COA1: variants seen among roughly 807,000 people sequenced by gnomAD.
COA1 encodes cytochrome c oxidase assembly factor 1, also known as cytochrome c oxidase assembly factor 1 homolog.
In COA1, 13 loss-of-function variants were observed where a neutral mutation model predicts 16.0. The ratio of observed to expected loss-of-function variants is 0.81; its 90% CI spans 0.53 to 1.29. COA1 has a LOEUF of 1.29. Ranked by LOEUF, COA1 falls within the 50% of genes most tolerant of loss-of-function variation. The pLI is 0.00. For missense variants in COA1, 179 were observed against 177.0 expected, an observed-to-expected ratio of 1.01 and a Z score of -0.06; for synonymous variants, 65 against 65.7, an observed-to-expected ratio of 0.99 and a Z score of 0.05.
chr7:43,641,610 T>C (rs781623860), intron 4 of COA1: 1 of 152,306 alleles, frequency 6.6e-6, no homozygotes, highest in South Asian at 2.1e-4. Context: ...TATTTTGACC[T>C]GGACCCTAAA....
intron 1 of COA1, among the ~76,000 whole-genome samples, chr7:43,690,702 A>T (rs1327829273): frequency 6.6e-6 from 1 of 152,214 alleles, no homozygotes; most frequent in Non-Finnish European, 1.5e-5. Flanking sequence ...AATTAAAAAA[A>T]AATAATGTAA....
intron 1 of COA1, among the ~76,000 whole-genome samples, chr7:43,705,269 C>T (rs758440215): frequency 2.6e-5 from 4 of 152,230 alleles, no homozygotes; most frequent in Non-Finnish European, 5.9e-5. Flanking sequence ...TAGGCTCCCA[C>T]GCACATGCAT....
chr7:43,685,145 C>T (rs1354444886), intron 1 of COA1, among the ~76,000 whole-genome samples: 2 of 145,168 alleles, frequency 1.4e-5, no homozygotes, highest in Non-Finnish European at 1.5e-5. Flanking sequence ...GAACAAGACT[C>T]CCATCTCTTA....
chr7:43,681,683 C>A (rs1163849511), intron 1 of COA1, among the ~76,000 whole-genome samples: 2 of 152,316 alleles, frequency 1.3e-5, no homozygotes, highest in East Asian at 3.9e-4. Context: ...TACAGGCTGA[C>A]ACACACAGTC....
intron 1 of COA1, among the ~76,000 whole-genome samples, chr7:43,694,421 G>C (rs56878002): frequency 0.085 from 12,981 of 151,842 alleles, 656 homozygotes; most frequent in East Asian, 0.19. Flanking sequence ...TTAACTTTTA[G>C]CTCCTCACCA....
chr7:43,669,103 C>T, intron 1 of COA1, among the ~76,000 whole-genome samples: 1 of 152,288 alleles, frequency 6.6e-6, no homozygotes, highest in Middle Eastern at 3.4e-3. Flanking sequence ...CCAGGAGAAG[C>T]CCTAGCTGCT....
At chr7:43,707,155 A>C (rs1585267599) in intron 1 of COA1, among the ~76,000 whole-genome samples, 1 of 152,202 alleles carries the variant, frequency 6.6e-6, no homozygotes, top group Non-Finnish European at 1.5e-5. Flanking sequence ...ACGCCACTGC[A>C]CTCCAGCCTG....
intron 1 of COA1, among the ~76,000 whole-genome samples, chr7:43,685,286 G>A (rs1274812204): frequency 6.6e-6 from 1 of 152,224 alleles, no homozygotes; most frequent in African/African-American, 2.4e-5. Flanking sequence ...AGGCAAAGGG[G>A]TGCCCTATAG....
intron 4 of COA1, chr7:43,641,804 C>G (rs2087198827): frequency 6.6e-6 from 1 of 151,966 alleles, no homozygotes; most frequent in African/African-American, 2.4e-5. Context: ...GATCACACTC[C>G]GATTGAGAAA....
At chr7:43,670,176 C>G (rs2093168262) in intron 1 of COA1, among the ~76,000 whole-genome samples, 1 of 152,154 alleles carries the variant, frequency 6.6e-6, no homozygotes, top group Non-Finnish European at 1.5e-5. Flanking sequence ...AGGCCAGGCA[C>G]AGTGGTTCAC....
chr7:43,620,990 G>C (rs2083830209), intron 6 of COA1, among the ~76,000 whole-genome samples: 1 of 152,170 alleles, frequency 6.6e-6, no homozygotes, highest in Admixed American at 6.5e-5. Context: ...AAGAGAGCAG[G>C]GTCTCCTTTC....
intron 1 of COA1, among the ~76,000 whole-genome samples, chr7:43,701,749 ATC>A (rs1334040027): frequency 6.6e-6 from 1 of 152,182 alleles, no homozygotes; most frequent in Non-Finnish European, 1.5e-5. Context: ...CCTTGCCAGC[ATC>A]TGTTATTGAG....
At chr7:43,644,401 G>A (rs960287859) in intron 4 of COA1, among the ~76,000 whole-genome samples, 1 of 152,102 alleles carries the variant, frequency 6.6e-6, no homozygotes, top group African/African-American at 2.4e-5. Context: ...AGTACAAAAA[G>A]ATAAGTTATA....
chr7:43,608,468 G>A, exon 7 of COA1: 2 of 1,522,152 alleles, frequency 1.3e-6, no homozygotes, highest in Non-Finnish European at 1.8e-6. Flanking sequence ...ATTTAACAGT[G>A]ATTTATTCAA....
At chr7:43,715,364 G>A (rs531825828) in intron 1 of COA1, among the ~76,000 whole-genome samples, 26 of 151,900 alleles carry the variant, frequency 1.7e-4, no homozygotes, top group Non-Finnish European at 3.5e-4. Flanking sequence ...TGTAGTCCCA[G>A]CTACTCGGAA....
At chr7:43,692,547 A>C (rs59400619) in intron 1 of COA1, among the ~76,000 whole-genome samples, 13,419 of 152,020 alleles carry the variant, frequency 0.088, 686 homozygotes, top group East Asian at 0.18. Flanking sequence ...ACAACAAAAA[A>C]AAAACCACCT....
At chr7:43,705,102 T>C (rs1395576383) in intron 1 of COA1, among the ~76,000 whole-genome samples, 1 of 152,220 alleles carries the variant, frequency 6.6e-6, no homozygotes, top group East Asian at 1.9e-4. Context: ...GGCTACATGC[T>C]CTAATCCTTG....
intron 1 of COA1, among the ~76,000 whole-genome samples, chr7:43,653,858 A>G (rs10229751): frequency 0.15 from 22,369 of 152,142 alleles, 2,199 homozygotes; most frequent in Non-Finnish European, 0.22. Context: ...ATTTTTTTTA[A>G]AGATTAATAA....
intron 1 of COA1, among the ~76,000 whole-genome samples, chr7:43,681,372 T>C (rs150636076): frequency 1.2e-3 from 179 of 152,350 alleles, no homozygotes; most frequent in African/African-American, 4.2e-3. Context: ...AGAGGTCATA[T>C]TTTTTGCTCT....
Sources: gnomAD v4.1 joint callset for allele counts (sites outside exome capture counted in the v4.1 genomes callset) on GRCh38, gnomAD v4.1.1 for gene constraint, MANE v1.5 for transcripts, NCBI Gene and HGNC (gene_info 2026-07-23, HGNC 2026-07-21) for gene names.